Variants in RAP1GAP observed in about 807,000 individuals in gnomAD.
RAP1GAP encodes the protein rap1 GTPase-activating protein 1.
RAP1GAP carries 35 observed loss-of-function variants against 87.2 expected under a neutral mutation model. The observed-to-expected ratio is 0.40, with a 90% CI of 0.31 to 0.53. RAP1GAP has a LOEUF of 0.53. Among genes scored for constraint, RAP1GAP ranks in the 20% least tolerant of loss-of-function variants. The pLI is 0.48. For missense variants in RAP1GAP, 734 were observed against 898.9 expected, an observed-to-expected ratio of 0.82 and a Z score of 2.35; for synonymous variants, 375 against 363.9, an observed-to-expected ratio of 1.03 and a Z score of -0.35.
chr1:21,665,253 C>G, intron 1 of RAP1GAP: 1 of 517,612 alleles, frequency 1.9e-6, no homozygotes, highest in South Asian at 1.4e-5. Flanking sequence ...AGAATTCGAA[C>G]TTGGGTCTGC....
At chr1:21,627,252 A>G (rs1000048086) in intron 2 of RAP1GAP, among the ~76,000 whole-genome samples, 6 of 152,118 alleles carry the variant, frequency 3.9e-5, no homozygotes, top group African/African-American at 1.4e-4. Flanking sequence ...GGTCCCATCA[A>G]GAGAGGCTGG....
chr1:21,619,306 A>AACGC (rs2084847134), intron 4 of RAP1GAP, among the ~76,000 whole-genome samples: 1 of 151,876 alleles, frequency 6.6e-6, no homozygotes, highest in Non-Finnish European at 1.5e-5. Context: ...ACTCTGCGGG[A>AACGC]ACGCACGTGC....
intron 21 of RAP1GAP, 47 bp from the exon 22 acceptor site, chr1:21,598,549 G>A (rs755297237): frequency 3.5e-5 from 52 of 1,474,572 alleles, no homozygotes; most frequent in Non-Finnish European, 4.5e-5. Context: ...TATGCCCTTG[G>A]CACTGGCTAG....
intron 1 of RAP1GAP, chr1:21,651,754 C>T: frequency 3.4e-6 from 5 of 1,454,754 alleles, no homozygotes; most frequent in Non-Finnish European, 4.5e-6. Flanking sequence ...GCACGCGCCC[C>T]GCCCCGCGCC....
At chr1:21,651,258 G>A (rs1200248411) in intron 1 of RAP1GAP, 2 of 371,968 alleles carry the variant, frequency 5.4e-6, no homozygotes, top group Non-Finnish European at 1.1e-5. Context: ...TGGTGCCCAG[G>A]GTGGGCAGGA....
In RAP1GAP at chr1:21,596,979, G is replaced by A. The variant is rs1570343428; in HGVS notation, c.*320C>T. The A allele has an allele frequency of 1.3e-5, 2 of 152,398 alleles. No individual in the cohort carries two copies. The highest frequency in any genetic ancestry group is 1.9e-4 in the East Asian group (1 of 5,178). The allele number at this position is 152,398 out of a possible 1,614,324, so 9.4% of individuals were successfully genotyped here. A position where few individuals can be genotyped will look rare whatever the true frequency, so the allele number is the denominator to read the frequency against. ...CTCTGAGTCCAGAGGGATGCTCAGG[G>A]GTGATGGAGGCCCAGGGAGGGGGCA... is the stretch of plus-strand genomic sequence containing the variant. On this transcript the variant is annotated 3_prime_UTR_variant, in exon 25 of 25. Transcript: ENST00000374765.
intron 2 of RAP1GAP, among the ~76,000 whole-genome samples, chr1:21,629,051 T>C (rs554723471): frequency 6.6e-6 from 1 of 152,344 alleles, no homozygotes; most frequent in South Asian, 2.1e-4. Context: ...GTTGGTGTTA[T>C]TTCTCTCCAT....
intron 2 of RAP1GAP, among the ~76,000 whole-genome samples, chr1:21,645,454 T>A (rs1488676524): frequency 6.6e-6 from 1 of 151,990 alleles, no homozygotes. Flanking sequence ...CACTCCAGCA[T>A]GGGTGACAGA....
intron 17 of RAP1GAP, 143 bp from the exon 18 acceptor site, chr1:21,606,340 C>A: frequency 8.2e-7 from 1 of 1,216,740 alleles, no homozygotes; most frequent in Non-Finnish European, 1.1e-6. Context: ...GGGCATGTGG[C>A]CAGCAGGGCA....
intron 16 of RAP1GAP, 34 bp from the exon 17 acceptor site, chr1:21,608,384 C>A: frequency 6.2e-7 from 1 of 1,600,708 alleles, no homozygotes; most frequent in Non-Finnish European, 8.5e-7. Flanking sequence ...AGGAGGGACC[C>A]CAAGGATCAG....
chr1:21,620,540 C>T (rs1303849586), intron 3 of RAP1GAP, among the ~76,000 whole-genome samples: 3 of 3,024 alleles, frequency 9.9e-4, no homozygotes, highest in Middle Eastern at 0.25. Context: ...GGATGCCCAG[C>T]GGCCCAGCAC....
In RAP1GAP at chr1:21,598,008, C is replaced by T. The variant is rs776222608; in HGVS notation, c.1936G>A (p.Glu646Lys). ...AGKLGDPACP[E>K]IKIQLEASEQ... ...GATGCTTCCAGCTGGATCTTGATCT[C>T]GGGACACGCAGGGTCCCCCAACTTG... is the stretch of plus-strand genomic sequence containing the variant. The change falls in exon 23 of 25, where the codon GAG becomes AAG. Residue 646 changes from glutamate to lysine, a missense_variant. By Grantham distance (56) the Glu-to-Lys change is moderately conservative (BLOSUM62 1). Coordinates refer to ENST00000374765, the MANE Select transcript of RAP1GAP (RefSeq NM_002885.4). 1.1e-5 allele frequency: 18 copies of T among 1,579,012 alleles called. No individual in the cohort carries two copies. The East Asian group carries it at 2.5e-4, about 22-fold the overall frequency.
chr1:21,629,271 G>A (rs974663734), intron 2 of RAP1GAP, among the ~76,000 whole-genome samples: 11 of 152,246 alleles, frequency 7.2e-5, no homozygotes, highest in Admixed American at 2.0e-4. Flanking sequence ...GCCCAGTGGC[G>A]GCTGTTGCTT....
At chr1:21,602,480 T>G (rs1367309628) in intron 19 of RAP1GAP, among the ~76,000 whole-genome samples, 2 of 152,194 alleles carry the variant, frequency 1.3e-5, no homozygotes, top group African/African-American at 4.8e-5. Context: ...CCCTCCCACA[T>G]GCGCTGGGGC....
chr1:21,618,318 T>C (rs1331584833), intron 5 of RAP1GAP, among the ~76,000 whole-genome samples: 1 of 152,140 alleles, frequency 6.6e-6, no homozygotes, highest in African/African-American at 2.4e-5. Context: ...CCGACGCTGC[T>C]GGTGTGAGGG....
rs908774995 is a variant in RAP1GAP, at chr1:21,603,137, C to G, written c.1429-224G>C. The G allele has an allele frequency of 5.5e-6, 3 of 543,514 alleles. No homozygotes were observed. The African/African-American group carries it at 5.7e-5, about 10-fold the overall frequency. The allele number at this position is 543,514 out of a possible 1,614,324, so 33.7% of individuals were successfully genotyped here. A position where few individuals can be genotyped will look rare whatever the true frequency, so the allele number is the denominator to read the frequency against. On this transcript the variant is annotated intron_variant, in intron 18 of 24. Transcript: ENST00000374765. This position sits in a 1 kb window ranked among gnomAD's most constrained non-coding sequence, Gnocchi z 6.0. ...CCCGAGCTCACACGGCAGGACTGCA[C>G]GTCAATACTGGCCCAGGATTAGGAC...
At chr1:21,621,064 A>G (rs1414124211) in intron 3 of RAP1GAP, among the ~76,000 whole-genome samples, 1 of 152,224 alleles carries the variant, frequency 6.6e-6, no homozygotes, top group Non-Finnish European at 1.5e-5. Flanking sequence ...TCTGAGTTAC[A>G]CAGGAGCACA....
At chr1:21,602,492 G>A (rs1319127477) in intron 19 of RAP1GAP, among the ~76,000 whole-genome samples, 3 of 152,212 alleles carry the variant, frequency 2.0e-5, no homozygotes, top group Admixed American at 6.5e-5. Flanking sequence ...CGCTGGGGCC[G>A]TGGGAAGAGC....
At chr1:21,621,008 T>C (rs2086910351) in intron 3 of RAP1GAP, among the ~76,000 whole-genome samples, 1 of 152,128 alleles carries the variant, frequency 6.6e-6, no homozygotes, top group Admixed American at 6.5e-5. Flanking sequence ...CTGTGCACAG[T>C]GATTCTTAGA....
Sources: allele counts gnomAD v4.1 joint callset (sites outside exome capture counted in the v4.1 genomes callset), GRCh38; gene constraint gnomAD v4.1.1; non-coding constraint Gnocchi (gnomAD v3.1); transcripts MANE v1.5; gene names NCBI Gene and HGNC (gene_info 2026-07-23, HGNC 2026-07-21).